Variants in MDGA1 observed in about 807,000 individuals in gnomAD.
The protein encoded by MDGA1 is MAM domain containing glycosylphosphatidylinositol anchor 1, also known as MAM domain-containing glycosylphosphatidylinositol anchor protein 1.
Under a neutral mutation model 101.5 loss-of-function variants are expected in MDGA1, and 54 were observed. That is an observed-to-expected ratio of 0.53 (90% CI 0.43 to 0.67). The LOEUF (loss-of-function observed/expected upper bound fraction) is 0.67. MDGA1 is among the 30% of genes least tolerant of loss of function. The pLI is 0.00. For synonymous variants in MDGA1, 533 were observed against 558.3 expected (o/e 0.95, Z 0.64); for missense variants, 1,083 against 1,323.8 (o/e 0.82, Z 2.82).
In MDGA1 at chr6:37,644,611, A is replaced by C; in HGVS notation, c.2287T>G (p.Tyr763Asp). ...AAGTTGTCTGTCAGGTCCTGGGTAT[A>C]GCCACAGATCTTCTCATCCTCAAAG... is the stretch of plus-strand genomic sequence containing the variant. ...CHFEDEKICG[Y>D]TQDLTDNFDW... Residue 763 changes from tyrosine to aspartate, a missense_variant, in exon 13 of 17, where the codon TAT (tyrosine) becomes GAT (aspartate). Tyr to Asp is a radical substitution (Grantham distance 160). Transcript: ENST00000434837. The C allele has an allele frequency of 6.2e-7, 1 of 1,603,612 alleles. No individual in the cohort carries two copies. Among genetic ancestry groups the C allele is most frequent in the Non-Finnish European group, 8.5e-7 (1 of 1,175,218 alleles).
intron 1 of MDGA1, 49 bp from the exon 2 acceptor site, chr6:37,664,155 CAGA>C (rs1206112303): frequency 1.3e-5 from 21 of 1,610,106 alleles, no homozygotes; most frequent in Admixed American, 1.7e-5. Flanking sequence ...GTGCCAAGGC[CAGA>C]AGAAGTCTGG....
chr6:37,658,796 C>A (rs1298110689), intron 2 of MDGA1, among the ~76,000 whole-genome samples: 1 of 152,056 alleles, frequency 6.6e-6, no homozygotes, highest in Non-Finnish European at 1.5e-5. Flanking sequence ...CATGGTGAAA[C>A]CACGGCTCTA....
chr6:37,643,572 C>T (rs115520283), intron 14 of MDGA1, among the ~76,000 whole-genome samples: 2,642 of 152,304 alleles, frequency 0.017, 70 homozygotes, highest in African/African-American at 0.058. Flanking sequence ...ATGTCCGTCC[C>T]CTGCTGGGGT....
At chr6:37,657,603 A>G (rs764692872) in intron 3 of MDGA1, among the ~76,000 whole-genome samples, 1 of 152,178 alleles carries the variant, frequency 6.6e-6, no homozygotes, top group Non-Finnish European at 1.5e-5. Flanking sequence ...TGTATAGCTA[A>G]TAGGTAGGTT....
intron 14 of MDGA1, chr6:37,643,424 G>C (rs4714090): frequency 0.55 from 94,294 of 171,748 alleles, 26,997 homozygotes; most frequent in South Asian, 0.69. Flanking sequence ...AGGCACCCAC[G>C]ACCACACCCA....
chr6:37,630,725 T>C lies in MDGA1; in HGVS notation c.*6643A>G, dbSNP rs1763810874. 6.6e-6 allele frequency: 1 copy of C among 152,236 alleles called. No homozygotes were observed. The highest frequency in any genetic ancestry group is 6.5e-5 in the Admixed American group (1 of 15,284). 9.4% of individuals were successfully genotyped at this position (152,236 alleles called of 1,614,324 possible). On this transcript the variant is annotated 3_prime_UTR_variant, in exon 17 of 17. Transcript: ENST00000434837. ...ATCCCATGACGATGGGTCAGGAATT[T>C]GGACAGAGCTTGGCCGAGCAATTCA...
chr6:37,643,679 A>T (rs373053775), intron 14 of MDGA1, 130 bp downstream of exon 14: 2 of 1,306,652 alleles, frequency 1.5e-6, no homozygotes, highest in African/African-American at 1.5e-5. Flanking sequence ...GACCCGTCCA[A>T]GGACCTCTCA....
chr6:37,680,746 C>T (rs1762075060), intron 1 of MDGA1, among the ~76,000 whole-genome samples: 1 of 152,266 alleles, frequency 6.6e-6, no homozygotes. Flanking sequence ...CCTCAGCAGC[C>T]CCCCTGCCAC....
At position 37,643,908 on chromosome 6, in the gene MDGA1, C is replaced by T; in HGVS notation, c.2437G>A (p.Glu813Lys). Residue 813 changes from glutamate to lysine, a missense_variant, in exon 14 of 17, where the codon GAG becomes AAG. Glu to Lys is a moderately conservative substitution (Grantham distance 56). This residue lies in a region of MDGA1 where 657 missense variants were observed against 771.4 expected (regional missense o/e 0.85). Transcript: ENST00000434837. ...ACTAACCTTGCACGGTCCCCCAGCT[C>T]CCGAGGCCTCGATGTCTCGATGAAC... Reference protein sequence around the residue: ...YMFIETSRPRELGDRARLVSP... With the variant: ...YMFIETSRPRKLGDRARLVSP... The T allele has an allele frequency of 6.2e-7, 1 of 1,613,964 alleles. No homozygotes were observed. The highest frequency in any genetic ancestry group is 1.1e-5 in the South Asian group (1 of 91,086).
At chr6:37,668,356 T>A (rs1357270792) in intron 1 of MDGA1, among the ~76,000 whole-genome samples, 1 of 151,992 alleles carries the variant, frequency 6.6e-6, no homozygotes, top group Non-Finnish European at 1.5e-5. Context: ...CAGTACCTAC[T>A]AAAGGTAAAC....
chr6:37,637,725 T>C (rs1006090522), intron 16 of MDGA1, among the ~76,000 whole-genome samples: 4 of 152,160 alleles, frequency 2.6e-5, no homozygotes, highest in Admixed American at 1.3e-4. Context: ...AGTTTCCTCA[T>C]CTGTAAAATG....
chr6:37,648,879 G>A, intron 9 of MDGA1, 103 bp downstream of exon 9: 1 of 1,443,120 alleles, frequency 6.9e-7, no homozygotes, highest in Non-Finnish European at 9.1e-7. Context: ...CTTCAAGGGG[G>A]CCAGCAGGCC....
At chr6:37,651,469 T>C (rs1436978557) in intron 7 of MDGA1, among the ~76,000 whole-genome samples, 1 of 152,264 alleles carries the variant, frequency 6.6e-6, no homozygotes, top group Non-Finnish European at 1.5e-5. Context: ...TAAACATTTA[T>C]GCATTTATTG....
chr6:37,696,430 A>C lies in MDGA1; in HGVS notation c.67+315T>G, dbSNP rs1762420075. 6.6e-6 allele frequency among the ~76,000 whole-genome samples: 1 copy of C among 152,128 alleles called. No individual in the cohort carries two copies. Among genetic ancestry groups the C allele is most frequent in the Non-Finnish European group, 1.5e-5 (1 of 68,018 alleles). On this transcript the variant is annotated intron_variant, in intron 1 of 16. Transcript: ENST00000434837. The surrounding 1 kb of genome is among the most constrained non-coding windows in gnomAD (Gnocchi z 5.6). ...CGGTGCAAGTCGCTGCACCAGTCCT[A>C]GACTGGGTCTGTCCGGGTCTCCCGA...
Position 37,638,596 on chromosome 6 carries a change from T to C in MDGA1, c.2608A>G (p.Asn870Asp), listed in dbSNP as rs763028140. ...LDTHAWSLSG[N>D]KGNVWQQAHV... ...GCCTGCTGCCACACATTGCCCTTATTGCCACTGAGAGACCAGGCGTGCGTG... is the reference window on the plus strand; with the variant it reads ...GCCTGCTGCCACACATTGCCCTTATCGCCACTGAGAGACCAGGCGTGCGTG... The change falls in exon 15 of 17, where the codon AAT becomes GAT. Residue 870 changes from asparagine to aspartate, a missense_variant. This residue lies in a region of MDGA1 where 657 missense variants were observed against 771.4 expected (regional missense o/e 0.85). Coordinates refer to ENST00000434837, the MANE Select transcript of MDGA1 (RefSeq NM_153487.4). The surrounding 1 kb of genome is among the most constrained non-coding windows in gnomAD (Gnocchi z 4.8). The C allele has an allele frequency of 6.2e-7, 1 of 1,614,036 alleles. No homozygotes were observed. Among genetic ancestry groups the C allele is most frequent in the Admixed American group, 1.7e-5 (1 of 60,030 alleles).
chr6:37,666,596 C>T (rs1340400309), intron 1 of MDGA1, among the ~76,000 whole-genome samples: 1 of 152,188 alleles, frequency 6.6e-6, no homozygotes, highest in Non-Finnish European at 1.5e-5. Context: ...GTGTTTCTGT[C>T]AAATTCAGGA....
rs980587098 is a variant in MDGA1 at position 37,661,966 on chromosome 6, G to A, written c.207+2001C>T. On this transcript the variant is annotated intron_variant, in intron 2 of 16. Coordinates refer to ENST00000434837, the MANE Select transcript of MDGA1 (RefSeq NM_153487.4). The stretch of plus-strand genomic sequence containing the variant: ...GCCCAGGAGGTCAAGACCAGCATAG[G>A]CAACATGGTGAAAACCTGTCTCTGA... Among the ~76,000 whole-genome samples the A allele has an allele frequency of 6.0e-5, 9 of 149,438 alleles. No homozygotes were observed. In the Admixed American group the frequency reaches 6.1e-4, roughly 10 times the overall value.
intron 1 of MDGA1, among the ~76,000 whole-genome samples, chr6:37,692,122 C>G (rs996485395): frequency 6.6e-6 from 1 of 152,016 alleles, no homozygotes; most frequent in African/African-American, 2.4e-5. Flanking sequence ...ATAACTCATC[C>G]CTCAGATAGG....
rs979030271 is a variant in MDGA1 at position 37,690,879 on chromosome 6, G to C, written c.67+5866C>G. Among the ~76,000 whole-genome samples the C allele has an allele frequency of 6.7e-4, 101 of 151,812 alleles. 2 individuals carry two copies. The highest frequency in any genetic ancestry group is 2.3e-3 in the African/African-American group (97 of 41,376). ...CAGCTCACGAACTCCTCACACACTC[G>C]GGTTCCTTAGCTTCCAGGCCTTTGC... On this transcript the variant is annotated intron_variant, in intron 1 of 16. Coordinates refer to ENST00000434837, the MANE Select transcript of MDGA1 (RefSeq NM_153487.4).
Sources: gnomAD v4.1 joint callset for allele counts (sites outside exome capture counted in the v4.1 genomes callset) on GRCh38, gnomAD v4.1.1 for gene constraint, gnomAD v4.1.1 regional missense constraint, Gnocchi (gnomAD v3.1) non-coding constraint, MANE v1.5 for transcripts, NCBI Gene and HGNC (gene_info 2026-07-23, HGNC 2026-07-21) for gene names.